The following NLRP4 variants were observed in gnomAD, a reference collection of about 807,000 sequenced individuals.
NLRP4 encodes NACHT, LRR and PYD domains-containing protein 4.
NLRP4 carries 44 observed loss-of-function variants against 84.7 expected under a neutral mutation model. The ratio of observed to expected loss-of-function variants is 0.52; its 90% CI spans 0.41 to 0.67. The LOEUF is 0.67. Ranked by LOEUF, NLRP4 falls within the 30% of genes least tolerant of loss-of-function variation. The pLI is 0.00. For synonymous variants in NLRP4, 544 were observed against 476.4 expected, an observed-to-expected ratio of 1.14 and a Z score of -1.85; for missense variants, 1,260 against 1,219.4, an observed-to-expected ratio of 1.03 and a Z score of -0.50.
intron 1 of NLRP4, among the ~76,000 whole-genome samples, chr19:55,840,511 G>A (rs1983573070): frequency 6.6e-6 from 1 of 152,118 alleles, no homozygotes; most frequent in African/African-American, 2.4e-5. Flanking sequence ...AGCCTCCCGA[G>A]TAGCTGGGAT....
At chr19:55,880,859 A>G (rs1312228348) in intron 9 of NLRP4, among the ~76,000 whole-genome samples, 1 of 152,224 alleles carries the variant, frequency 6.6e-6, no homozygotes, top group Non-Finnish European at 1.5e-5. Context: ...AGTCGGGACA[A>G]TTATGCTACC....
intron 2 of NLRP4, among the ~76,000 whole-genome samples, chr19:55,853,414 A>G (rs1984248007): frequency 6.6e-6 from 1 of 152,136 alleles, no homozygotes; most frequent in African/African-American, 2.4e-5. Context: ...TTTGTTTGAC[A>G]CAGGGTCTGG....
At chr19:55,878,196 G>A (rs1985440148) in intron 8 of NLRP4, among the ~76,000 whole-genome samples, 1 of 152,100 alleles carries the variant, frequency 6.6e-6, no homozygotes, top group Admixed American at 6.5e-5. Flanking sequence ...GAACCCAGGA[G>A]GTCAAGGCTG....
chr19:55,859,939 A>ACAAC (rs1466205451), intron 3 of NLRP4, among the ~76,000 whole-genome samples: 17 of 144,366 alleles, frequency 1.2e-4, no homozygotes, highest in African/African-American at 4.3e-4. Context: ...AAAAAAAAAA[A>ACAAC]AAAAAAAAAA....
rs145906779 is a variant in NLRP4 at position 55,853,889 on chromosome 19, TTC to T, written c.280+1545_280+1546del. Among the ~76,000 whole-genome samples, 642 of 132,192 alleles carry T rather than the reference TTC, an allele frequency of 4.9e-3. 8 individuals are homozygous for T. The highest frequency in any genetic ancestry group is 6.6e-3 in the Non-Finnish European group (430 of 65,142). 86.7% of individuals were successfully genotyped at this position (132,192 alleles called of 152,430 possible). A position where few individuals can be genotyped will look rare whatever the true frequency, so the allele number is the denominator to read the frequency against. ...TCTCTCTTTCTCTCTTGCTATCTCTTTCTCTCTCTCTCTCTCTTTCTCTTTCT... is the reference window on the plus strand; with the variant it reads ...TCTCTCTTTCTCTCTTGCTATCTCTTTCTCTCTCTCTCTCTTTCTCTTTCT... On this transcript the variant is annotated intron_variant, in intron 2 of 9. Transcript: ENST00000301295.
At chr19:55,841,857 T>C (rs1411956697) in intron 1 of NLRP4, among the ~76,000 whole-genome samples, 1 of 152,140 alleles carries the variant, frequency 6.6e-6, no homozygotes, top group East Asian at 1.9e-4. Context: ...AGTGCGAGAC[T>C]CTGTCTCAAG....
chr19:55,847,193 A>G (rs1983831502), intron 1 of NLRP4, among the ~76,000 whole-genome samples: 1 of 152,190 alleles, frequency 6.6e-6, no homozygotes, highest in African/African-American at 2.4e-5. Context: ...GCCACCCATG[A>G]ATAAAACAGC....
At chr19:55,850,768 T>TACGAGGCTGCGGTGTAATTC (rs1568659308) in intron 1 of NLRP4, among the ~76,000 whole-genome samples, 1 of 37,280 alleles carries the variant, frequency 2.7e-5, no homozygotes, top group South Asian at 9.3e-4. Flanking sequence ...CGGTGTAATT[T>TACGAGGCTGCGGTGTAATTC]CCGAGGCTGC....
At chr19:55,843,489 G>A (rs552093812) in intron 1 of NLRP4, among the ~76,000 whole-genome samples, 27 of 151,900 alleles carry the variant, frequency 1.8e-4, no homozygotes, top group African/African-American at 6.5e-4. Context: ...TCAGGAGTTC[G>A]AGACCAGCCT....
intron 1 of NLRP4, among the ~76,000 whole-genome samples, chr19:55,846,239 C>T (rs573777463): frequency 1.6e-4 from 25 of 152,248 alleles, no homozygotes; most frequent in East Asian, 3.9e-4. Context: ...TTTCTACTTA[C>T]GGCTAGCCAG....
chr19:55,868,919 A>T (rs1985066490), intron 6 of NLRP4, among the ~76,000 whole-genome samples: 1 of 152,154 alleles, frequency 6.6e-6, no homozygotes, highest in Non-Finnish European at 1.5e-5. Context: ...AAATGAGAGG[A>T]TTTATACCTC....
Position 55,870,823 on chromosome 19 carries a change from A to G in NLRP4, c.2355-4A>G, listed in dbSNP as rs771738013. On this transcript the variant is annotated splice_region_variant and splice_polypyrimidine_tract_variant and intron_variant, in intron 6 of 9. Transcript: ENST00000301295. ...CTCTCCTTCTCGTGTTTTTGTCCCC[A>G]TAGGTTGGCTTTCTGCCACCTCAGC... The G allele has an allele frequency of 2.5e-6, 4 of 1,612,144 alleles. No homozygotes were observed. The highest frequency in any genetic ancestry group is 3.3e-4 in the Middle Eastern group (2 of 6,080).
In NLRP4 at chr19:55,858,993, T is replaced by C; in HGVS notation, c.1600T>C (p.Cys534Arg). ...AGAGATAAAGCAGCAAATTCACCAG[T>C]GCCTGAAGAGCTTAGGGGAGCGTGG... Reference protein sequence around the residue: ...SQEIKQQIHQCLKSLGERGNP... With the variant: ...SQEIKQQIHQRLKSLGERGNP... Residue 534 changes from cysteine to arginine, a missense_variant, in exon 3 of 10, where the codon TGC becomes CGC. Physicochemically the swap from Cys to Arg is radical, Grantham distance 180. Coordinates refer to ENST00000301295, the MANE Select transcript of NLRP4 (RefSeq NM_134444.5). This position sits in a 1 kb window ranked among gnomAD's most constrained non-coding sequence, Gnocchi z 4.2. 1 of 1,614,194 alleles carries C rather than the reference T, an allele frequency of 6.2e-7. No homozygotes were observed. Among genetic ancestry groups the C allele is most frequent in the Non-Finnish European group, 8.5e-7 (1 of 1,180,028 alleles).
intron 7 of NLRP4, among the ~76,000 whole-genome samples, chr19:55,872,258 A>G (rs1368741457): frequency 6.6e-6 from 1 of 152,178 alleles, no homozygotes; most frequent in Non-Finnish European, 1.5e-5. Context: ...AGTACTGAAC[A>G]GATGCCTGAA....
intron 1 of NLRP4, among the ~76,000 whole-genome samples, chr19:55,850,752 AGGCTGCGGTGTAATTTCCG>A (rs1984074309): frequency 8.8e-6 from 1 of 113,774 alleles, no homozygotes; most frequent in East Asian, 2.5e-4. Context: ...GTACTTCCCG[AGGCTGCGGTGTAATTTCCG>A]AGGCTGCGGT....
Position 55,859,200 on chromosome 19 carries a change from T to C in NLRP4, c.1807T>C (p.Cys603Arg). Residue 603 changes from cysteine (C) to arginine (R), a missense_variant, in exon 3 of 10, where the codon TGT becomes CGT. Physicochemically the swap from Cys to Arg is radical, Grantham distance 180. Around this residue, in one of 3 missense-constraint regions of NLRP4, gnomAD observed 544 missense variants for 531.7 expected, o/e 1.02. Coordinates refer to ENST00000301295, the MANE Select transcript of NLRP4 (RefSeq NM_134444.5). Reference protein sequence around the residue: ...LKYCSSLRKLCFSVQNVFKKE... With the variant: ...LKYCSSLRKLRFSVQNVFKKE... Reference sequence around the variant, plus strand: ...ATACTGCTCCAGCTTGAGGAAACTCTGTTTTTCCGTTCAAAATGTCTTTAA... The same window carrying C: ...ATACTGCTCCAGCTTGAGGAAACTCCGTTTTTCCGTTCAAAATGTCTTTAA... The C allele has an allele frequency of 6.2e-7, 1 of 1,607,782 alleles. No homozygotes were observed. The highest frequency in any genetic ancestry group is 8.5e-7 in the Non-Finnish European group (1 of 1,174,580).
At chr19:55,874,322 CT>C (rs1277346355) in intron 7 of NLRP4, among the ~76,000 whole-genome samples, 1 of 151,988 alleles carries the variant, frequency 6.6e-6, no homozygotes, top group African/African-American at 2.4e-5. Context: ...TTTGTATTAA[CT>C]CTCTAAGGTT....
In NLRP4 at chr19:55,837,984, C is replaced by T. The variant is rs148569568; in HGVS notation, c.-66+1050C>T. Among the ~76,000 whole-genome samples the T allele has an allele frequency of 5.3e-4, 79 of 148,866 alleles. No homozygotes were observed. In the East Asian group the frequency reaches 0.014, roughly 26 times the overall value. ...CCAGGAGGTGGAGATTGCAGTGTGC[C>T]GAGATTGCACCATTGCACTCCAGCC... On this transcript the variant is annotated intron_variant, in intron 1 of 9. Transcript: ENST00000301295.
intron 1 of NLRP4, among the ~76,000 whole-genome samples, chr19:55,839,388 C>G (rs1021843614): frequency 4.7e-5 from 7 of 150,520 alleles, no homozygotes; most frequent in African/African-American, 1.7e-4. Context: ...CATGCTCTCT[C>G]TTAGATTCTG....
Sources: gnomAD v4.1 joint callset for allele counts (sites outside exome capture counted in the v4.1 genomes callset) on GRCh38, gnomAD v4.1.1 for gene constraint, gnomAD v4.1.1 regional missense constraint, Gnocchi (gnomAD v3.1) non-coding constraint, MANE v1.5 for transcripts, NCBI Gene and HGNC (gene_info 2026-07-23, HGNC 2026-07-21) for gene names.